FCRLA: variants seen among roughly 807,000 people sequenced by gnomAD.
FCRLA encodes Fc receptor-like A.
FCRLA carries 26 observed loss-of-function variants against 28.4 expected under a neutral mutation model. That is an observed-to-expected ratio of 0.91 (90% CI 0.67 to 1.27). The LOEUF is 1.27. Ranked by LOEUF, FCRLA falls within the 50% of genes most tolerant of loss-of-function variation. The pLI is 0.00. For synonymous variants in FCRLA, 174 were observed against 168.5 expected (o/e 1.03, Z -0.25); for missense variants, 422 against 433.1 (o/e 0.97, Z 0.23).
chr1:161,711,268 G>A lies in FCRLA; in HGVS notation c.293G>A (p.Arg98His), dbSNP rs1382394086. The change falls in exon 3 of 5, where the codon CGC becomes CAC. Residue 98 changes from arginine (R) to histidine (H), a missense_variant. Physicochemically the swap from Arg to His is conservative, Grantham distance 29. Around this residue, in one of 3 missense-constraint regions of FCRLA, gnomAD observed 231 missense variants for 214.6 expected, o/e 1.08. Coordinates refer to ENST00000236938, the MANE Select transcript of FCRLA (RefSeq NM_032738.4). Reference protein sequence around the residue: ...PVFEGDLLVLRCQAWQDWPLT... With the variant: ...PVFEGDLLVLHCQAWQDWPLT... Reference sequence around the variant, plus strand: ...TTTGAAGGGGACCTGCTGGTTCTGCGCTGCCAGGCCTGGCAAGACTGGCCA... The same window carrying A: ...TTTGAAGGGGACCTGCTGGTTCTGCACTGCCAGGCCTGGCAAGACTGGCCA... 17 of 1,614,172 alleles carry A rather than the reference G, an allele frequency of 1.1e-5. No individual in the cohort carries two copies. The highest frequency in any genetic ancestry group is 4.5e-5 in the East Asian group (2 of 44,876).
chr1:161,710,906 T>C lies in FCRLA; in HGVS notation c.226T>C (p.Ser76Pro). 8 of 1,612,812 alleles carry C rather than the reference T, an allele frequency of 5.0e-6. No homozygotes were observed. The highest frequency in any genetic ancestry group is 6.8e-6 in the Non-Finnish European group (8 of 1,179,978). The change falls in exon 2 of 5, where the codon TCC becomes CCC. Residue 76 changes from serine to proline, a missense_variant. Coordinates refer to ENST00000236938, the MANE Select transcript of FCRLA (RefSeq NM_032738.4). ...CAGTGAACCCTTCCACCTGATTGTG[T>C]CCTATGGTGAGGTCCTGGGAAGGCC... The part of the protein sequence containing the change: ...TFSEPFHLIV[S>P]YDWLILQGPA...
chr1:161,707,249 C>T lies in FCRLA; in HGVS notation c.-16C>T, dbSNP rs1436363684. 6.2e-7 allele frequency: 1 copy of T among 1,614,062 alleles called. No homozygotes were observed. On this transcript the variant is annotated 5_prime_UTR_variant, in exon 1 of 5. Transcript: ENST00000236938. ...AAATCAGTGTTGGGGTTGCAGGAGA[C>T]CTAAACACAGTCACCATGAAGCTGG...
chr1:161,709,330 C>A (rs1682981791), intron 1 of FCRLA, among the ~76,000 whole-genome samples: 1 of 152,114 alleles, frequency 6.6e-6, no homozygotes, highest in Admixed American at 6.6e-5. Flanking sequence ...CAGGGTCTCT[C>A]TATGTTCCCC....
chr1:161,711,045 C>G, intron 2 of FCRLA, 133 bp downstream of exon 2: 3 of 1,442,452 alleles, frequency 2.1e-6, no homozygotes, highest in Middle Eastern at 2.5e-4. Context: ...CCACAGCAAC[C>G]AGGGTGCTCT....
intron 3 of FCRLA, 142 bp downstream of exon 3, chr1:161,711,616 C>T (rs928997159): frequency 1.1e-5 from 12 of 1,073,428 alleles, no homozygotes; most frequent in East Asian, 5.2e-5. Flanking sequence ...AGTTGGGCTT[C>T]GAAAGGGACG....
chr1:161,713,115 T>C lies in FCRLA; in HGVS notation c.815T>C (p.Leu272Ser). The C allele has an allele frequency of 6.2e-7, 1 of 1,613,838 alleles. No homozygotes were observed. Among genetic ancestry groups the C allele is most frequent in the Non-Finnish European group, 8.5e-7 (1 of 1,179,940 alleles). Residue 272 changes from leucine (L) to serine (S), a missense_variant, in exon 5 of 5, where the codon TTG (leucine) becomes TCG (serine). Coordinates refer to ENST00000236938, the MANE Select transcript of FCRLA (RefSeq NM_032738.4). The stretch of plus-strand genomic sequence containing the variant: ...TCCAGCTCTGCTGCACCTCCCACAT[T>C]GAATCCAGCTCCTCAGAAATCAGCT... ...GASSSAAPPT[L>S]NPAPQKSAAP...
At chr1:161,710,214 C>A in intron 1 of FCRLA, 2 of 530,264 alleles carry the variant, frequency 3.8e-6, no homozygotes, top group South Asian at 2.2e-5. Context: ...ACACACCTGC[C>A]TTTCCCGATC....
In FCRLA at chr1:161,713,455, C is replaced by T; in HGVS notation, c.*75C>T. ...TTCTTTATTTTCTCTTCCTGTCCTG[C>T]ACATATGCATAAGTACTTTTACAAG... On this transcript the variant is annotated 3_prime_UTR_variant, in exon 5 of 5. Coordinates refer to ENST00000236938, the MANE Select transcript of FCRLA (RefSeq NM_032738.4). 8.2e-7 allele frequency: 1 copy of T among 1,223,068 alleles called. No individual in the cohort carries two copies. Among genetic ancestry groups the T allele is most frequent in the South Asian group, 1.5e-5 (1 of 68,158 alleles). 75.8% of individuals were successfully genotyped at this position (1,223,068 alleles called of 1,614,324 possible). A position where few individuals can be genotyped will look rare whatever the true frequency, so the allele number is the denominator to read the frequency against.
rs6688140 is a variant in FCRLA at position 161,713,185 on chromosome 1, G to T, written c.885G>T (p.Pro295=). ...APEEAPGPLP[P]PPTPSSEDPG... is the part of the protein sequence containing the mutation. ...AGGAGGCCCCTGGGCCTCTGCCTCC[G>T]CCGCCAACCCCATCTTCTGAGGATC... Residue 295 remains proline, a synonymous_variant, in exon 5 of 5, where the codon CCG becomes CCT. Coordinates refer to ENST00000236938, the MANE Select transcript of FCRLA (RefSeq NM_032738.4). The T allele has an allele frequency of 0.026, 42,347 of 1,614,164 alleles. 710 individuals carry two copies. Among genetic ancestry groups the T allele is most frequent in the Middle Eastern group, 0.035 (213 of 6,062 alleles).
chr1:161,708,283 A>T (rs1682928279), intron 1 of FCRLA, among the ~76,000 whole-genome samples: 1 of 152,046 alleles, frequency 6.6e-6, no homozygotes, highest in East Asian at 1.9e-4. Flanking sequence ...CTTCTTTTTC[A>T]TTCTCTAAAT....
At position 161,713,508 on chromosome 1, in the gene FCRLA, T is replaced by A; in HGVS notation, c.*128T>A. 1 of 724,262 alleles carries A rather than the reference T, an allele frequency of 1.4e-6. No individual in the cohort carries two copies. Among genetic ancestry groups the A allele is most frequent in the South Asian group, 2.0e-5 (1 of 50,338 alleles). 44.9% of individuals were successfully genotyped at this position (724,262 alleles called of 1,614,324 possible). The stretch of plus-strand genomic sequence containing the variant: ...GTCCCAGTGTTTTGTTAGAATAATG[T>A]AGTTAGGTGAGTGTAAATAAATTTA... On this transcript the variant is annotated 3_prime_UTR_variant, in exon 5 of 5. Transcript: ENST00000236938.
chr1:161,712,936 G>T, intron 4 of FCRLA, 149 bp from the exon 5 acceptor site: 1 of 839,386 alleles, frequency 1.2e-6, no homozygotes, highest in Non-Finnish European at 1.9e-6. Context: ...ATTAAAATTT[G>T]GACCAGGAGG....
intron 1 of FCRLA, chr1:161,710,294 T>C: frequency 1.6e-6 from 1 of 619,200 alleles, no homozygotes; most frequent in South Asian, 1.9e-5. Context: ...TTTAAGATTA[T>C]AAAATGAGGA....
Position 161,707,247 on chromosome 1 carries a change from G to C in FCRLA, c.-18G>C. 6.2e-7 allele frequency: 1 copy of C among 1,614,064 alleles called. No homozygotes were observed. The highest frequency in any genetic ancestry group is 8.5e-7 in the Non-Finnish European group (1 of 1,179,964). On this transcript the variant is annotated 5_prime_UTR_variant, in exon 1 of 5. Transcript: ENST00000236938. ...GAAAATCAGTGTTGGGGTTGCAGGA[G>C]ACCTAAACACAGTCACCATGAAGCT...
intron 3 of FCRLA, 84 bp from the exon 4 acceptor site, chr1:161,711,850 T>G: frequency 6.8e-7 from 1 of 1,460,442 alleles, no homozygotes; most frequent in Non-Finnish European, 9.2e-7. Flanking sequence ...AAAGGAAGTA[T>G]GACTCCCCAA....
chr1:161,711,695 T>C (rs1415173065), intron 3 of FCRLA: 5 of 719,260 alleles, frequency 7.0e-6, no homozygotes, highest in East Asian at 2.6e-5. Context: ...CCCAGATCTA[T>C]GCTTCCTAGT....
chr1:161,713,474 T>G lies in FCRLA; in HGVS notation c.*94T>G. ...GTCCTGCACATATGCATAAGTACTT[T>G]TACAAGTTGTCCCAGTGTTTTGTTA... is the stretch of plus-strand genomic sequence containing the variant. On this transcript the variant is annotated 3_prime_UTR_variant, in exon 5 of 5. Transcript: ENST00000236938. The G allele has an allele frequency of 2.0e-6, 2 of 1,007,904 alleles. No individual in the cohort carries two copies. The highest frequency in any genetic ancestry group is 2.9e-6 in the Non-Finnish European group (2 of 681,962). The allele number at this position is 1,007,904 out of a possible 1,614,324, so 62.4% of individuals were successfully genotyped here. A position where few individuals can be genotyped will look rare whatever the true frequency, so the allele number is the denominator to read the frequency against.
intron 4 of FCRLA, among the ~76,000 whole-genome samples, chr1:161,712,839 T>G (rs1683171337): frequency 6.6e-6 from 1 of 152,196 alleles, no homozygotes; most frequent in Non-Finnish European, 1.5e-5. Context: ...TCAGCCTTGA[T>G]AGAGAAAGAA....
Position 161,713,040 on chromosome 1 carries a change from G to A in FCRLA, c.785-45G>A, listed in dbSNP as rs764190724. ...GGCCAGGGATGGGAGGGAAGGGCCA[G>A]AGTCAGACTTCACTCTTGTATGTGC... On this transcript the variant is annotated intron_variant, in intron 4 of 4. Coordinates refer to ENST00000236938, the MANE Select transcript of FCRLA (RefSeq NM_032738.4). 3.2e-6 allele frequency: 5 copies of A among 1,566,924 alleles called. No homozygotes were observed. The African/African-American group carries it at 6.8e-5, about 21-fold the overall frequency.
Sources: gnomAD v4.1 joint callset for allele counts (sites outside exome capture counted in the v4.1 genomes callset) on GRCh38, gnomAD v4.1.1 for gene constraint, gnomAD v4.1.1 regional missense constraint, MANE v1.5 for transcripts, NCBI Gene and HGNC (gene_info 2026-07-23, HGNC 2026-07-21) for gene names.